Variants in RNGTT observed in about 807,000 individuals in gnomAD.
RNGTT encodes mRNA-capping enzyme.
A neutral mutation model predicts 79.3 loss-of-function variants in RNGTT; 33 were observed. The ratio of observed to expected loss-of-function variants is 0.42; its 90% confidence interval spans 0.32 to 0.56. The LOEUF (loss-of-function observed/expected upper bound fraction) is 0.56. Ranked by LOEUF, RNGTT falls within the 20% of genes least tolerant of loss-of-function variation. The pLI is 0.17. For synonymous variants in RNGTT, 222 were observed against 235.9 expected, an observed-to-expected ratio of 0.94 and a Z score of 0.54; for missense variants, 497 against 739.1, an observed-to-expected ratio of 0.67 and a Z score of 3.80.
intron 13 of RNGTT, among the ~76,000 whole-genome samples, chr6:88,709,626 A>C (rs1055656995): frequency 2.0e-5 from 3 of 152,250 alleles, no homozygotes; most frequent in African/African-American, 7.2e-5. Context: ...GTATGTTCTA[A>C]AACATTATTT....
intron 13 of RNGTT, among the ~76,000 whole-genome samples, chr6:88,768,118 A>C (rs1312040269): frequency 6.6e-6 from 1 of 150,520 alleles, no homozygotes; most frequent in Non-Finnish European, 1.5e-5. Context: ...ATTGTAAATT[A>C]AGCCACAAAC....
chr6:88,877,322 C>T (rs1782548742), intron 8 of RNGTT, among the ~76,000 whole-genome samples: 1 of 152,166 alleles, frequency 6.6e-6, no homozygotes, highest in Non-Finnish European at 1.5e-5. Context: ...ATGTTCTTAA[C>T]TCAATAGCTG....
intron 1 of RNGTT, among the ~76,000 whole-genome samples, chr6:88,958,933 A>T (rs762909716): frequency 6.6e-6 from 1 of 152,246 alleles, no homozygotes; most frequent in African/African-American, 2.4e-5. Flanking sequence ...ACAATTTGCA[A>T]TTGCAAAAAT....
intron 12 of RNGTT, among the ~76,000 whole-genome samples, chr6:88,784,600 TAGAA>T: frequency 6.6e-6 from 1 of 152,316 alleles, no homozygotes; most frequent in East Asian, 1.9e-4. Flanking sequence ...GGTCTGTCAG[TAGAA>T]AGAGCTACTA....
At chr6:88,950,793 T>C (rs1411464060) in intron 1 of RNGTT, among the ~76,000 whole-genome samples, 1 of 152,016 alleles carries the variant, frequency 6.6e-6, no homozygotes, top group Non-Finnish European at 1.5e-5. Flanking sequence ...GATCATGCCA[T>C]TGCATTCCAA....
intron 13 of RNGTT, among the ~76,000 whole-genome samples, chr6:88,690,464 G>T (rs1775438691): frequency 6.6e-6 from 1 of 151,922 alleles, no homozygotes; most frequent in Admixed American, 6.6e-5. Context: ...CCTAGCGCTT[G>T]AGGAGACCAA....
chr6:88,671,412 C>G (rs1040227218), intron 14 of RNGTT, among the ~76,000 whole-genome samples: 4 of 152,294 alleles, frequency 2.6e-5, no homozygotes, highest in Non-Finnish European at 5.9e-5. Flanking sequence ...TGAAAGACCT[C>G]TACAAGGAAA....
At chr6:88,698,292 AT>A (rs1775821099) in intron 13 of RNGTT, among the ~76,000 whole-genome samples, 1 of 120,060 alleles carries the variant, frequency 8.3e-6, no homozygotes, top group Non-Finnish European at 1.6e-5. Flanking sequence ...CATATATATC[AT>A]ATATATATGA....
chr6:88,714,600 G>A (rs1308565017), intron 13 of RNGTT, among the ~76,000 whole-genome samples: 2 of 121,438 alleles, frequency 1.6e-5, no homozygotes, highest in East Asian at 4.0e-4. Flanking sequence ...CCGCCACTAC[G>A]CCCGGCTAAT....
At chr6:88,648,562 C>G (rs1027766592) in intron 14 of RNGTT, among the ~76,000 whole-genome samples, 1 of 152,052 alleles carries the variant, frequency 6.6e-6, no homozygotes, top group African/African-American at 2.4e-5. Flanking sequence ...CTGCACCTAC[C>G]CAACTATGCC....
chr6:88,754,107 A>T lies in RNGTT; in HGVS notation c.1439+15667T>A, dbSNP rs550988494. ...GGAAATTAAAAATAAACTATTAAGG[A>T]TCCTAGGAAGATGATAAATCTAAAC... is the stretch of plus-strand genomic sequence containing the variant. On this transcript the variant is annotated intron_variant, in intron 13 of 15. Coordinates refer to ENST00000369485, the MANE Select transcript of RNGTT (RefSeq NM_003800.5). Among the ~76,000 whole-genome samples the T allele has an allele frequency of 7.4e-4, 112 of 152,342 alleles. 6 individuals carry two copies. The South Asian group carries it at 0.022, about 30-fold the overall frequency.
chr6:88,738,506 A>G (rs755107763), intron 13 of RNGTT, among the ~76,000 whole-genome samples: 6 of 152,120 alleles, frequency 3.9e-5, no homozygotes, highest in Non-Finnish European at 7.4e-5. Context: ...TTAGCTGGGC[A>G]TGGTGGCACA....
At chr6:88,791,591 G>C (rs547062271) in intron 12 of RNGTT, among the ~76,000 whole-genome samples, 7 of 152,002 alleles carry the variant, frequency 4.6e-5, no homozygotes, top group Admixed American at 2.6e-4. Context: ...CCAGGCTGGA[G>C]TGCAGTGGCA....
chr6:88,775,297 T>C (rs1044860493), intron 12 of RNGTT, among the ~76,000 whole-genome samples: 11 of 152,166 alleles, frequency 7.2e-5, no homozygotes, highest in Non-Finnish European at 1.5e-4. Context: ...TAAAACAATA[T>C]TATTAAGTAC....
At chr6:88,754,719 C>A (rs932732637) in intron 13 of RNGTT, among the ~76,000 whole-genome samples, 2 of 152,152 alleles carry the variant, frequency 1.3e-5, no homozygotes, top group Non-Finnish European at 2.9e-5. Flanking sequence ...CCTGGCCTAC[C>A]CAGGGAGGAA....
intron 4 of RNGTT, among the ~76,000 whole-genome samples, chr6:88,927,039 A>C (rs1784341761): frequency 6.6e-6 from 1 of 152,210 alleles, no homozygotes; most frequent in Non-Finnish European, 1.5e-5. Flanking sequence ...GAAAAACATT[A>C]GCTACTTAAA....
intron 13 of RNGTT, among the ~76,000 whole-genome samples, chr6:88,716,469 A>G (rs191978153): frequency 1.1e-4 from 17 of 152,356 alleles, no homozygotes; most frequent in South Asian, 2.1e-4. Context: ...ATTACTGGGT[A>G]CATACCCAAA....
chr6:88,827,287 G>C (rs1780700983), intron 11 of RNGTT, among the ~76,000 whole-genome samples: 1 of 152,128 alleles, frequency 6.6e-6, no homozygotes, highest in Non-Finnish European at 1.5e-5. Flanking sequence ...AGCACAAGGG[G>C]TTTGGGCACT....
chr6:88,642,996 C>T (rs561103087), intron 14 of RNGTT, among the ~76,000 whole-genome samples: 1 of 152,048 alleles, frequency 6.6e-6, no homozygotes, highest in Non-Finnish European at 1.5e-5. Context: ...AGTACAAATG[C>T]GCCTTGACTT....
Sources: allele counts gnomAD v4.1 joint callset (sites outside exome capture counted in the v4.1 genomes callset), GRCh38; gene constraint gnomAD v4.1.1; transcripts MANE v1.5; gene names NCBI Gene and HGNC (gene_info 2026-07-23, HGNC 2026-07-21).